The following DIAPH3 variants were observed in gnomAD, a reference collection of about 807,000 sequenced individuals.
DIAPH3 encodes protein diaphanous homolog 3.
DIAPH3 carries 117 observed loss-of-function variants against 144.3 expected under a neutral mutation model. That is an observed-to-expected ratio of 0.81 (90% CI 0.70 to 0.95). DIAPH3 has a LOEUF of 0.95. DIAPH3 is among the 40% of genes least tolerant of loss of function. The pLI is 0.00. For missense variants in DIAPH3, 1,421 were observed against 1,412.7 expected (o/e 1.01, Z -0.09); for synonymous variants, 519 against 488.9 (o/e 1.06, Z -0.81).
intron 27 of DIAPH3, among the ~76,000 whole-genome samples, chr13:59,675,252 G>A (rs989787067): frequency 5.9e-5 from 9 of 152,068 alleles, no homozygotes; most frequent in African/African-American, 1.9e-4. Flanking sequence ...TTTAAAAATC[G>A]AGACGGGGTC....
At chr13:59,835,664 A>G (rs1423764411) in intron 23 of DIAPH3, among the ~76,000 whole-genome samples, 1 of 151,866 alleles carries the variant, frequency 6.6e-6, no homozygotes, top group Non-Finnish European at 1.5e-5. Context: ...GAAGAAAGTG[A>G]GAAGACTAAT....
At chr13:59,992,854 A>G (rs2051926583) in intron 9 of DIAPH3, among the ~76,000 whole-genome samples, 1 of 151,592 alleles carries the variant, frequency 6.6e-6, no homozygotes, top group African/African-American at 2.4e-5. Flanking sequence ...TAGAAAAAAA[A>G]AAAAAAAAAC....
intron 25 of DIAPH3, among the ~76,000 whole-genome samples, chr13:59,781,798 C>T (rs900087359): frequency 2.6e-5 from 4 of 152,082 alleles, no homozygotes; most frequent in African/African-American, 9.7e-5. Flanking sequence ...ACTTGATCTC[C>T]AATGTAATGG....
At chr13:59,963,059 C>T (rs1438365603) in intron 17 of DIAPH3, among the ~76,000 whole-genome samples, 2 of 152,032 alleles carry the variant, frequency 1.3e-5, no homozygotes, top group Non-Finnish European at 2.9e-5. Context: ...TTGCAGACCC[C>T]AAGTTAAGAA....
intron 18 of DIAPH3, among the ~76,000 whole-genome samples, chr13:59,918,821 T>G: frequency 6.6e-6 from 1 of 151,758 alleles, no homozygotes; most frequent in East Asian, 1.9e-4. Context: ...CAGGGAAACA[T>G]GACATCACCA....
intron 27 of DIAPH3, among the ~76,000 whole-genome samples, chr13:59,670,034 T>G (rs578091458): frequency 2.0e-5 from 3 of 152,206 alleles, no homozygotes; most frequent in Non-Finnish European, 4.4e-5. Context: ...GTTTTTCTTT[T>G]AGCGTTTGGT....
intron 24 of DIAPH3, among the ~76,000 whole-genome samples, chr13:59,824,397 A>C (rs2041253603): frequency 6.6e-6 from 1 of 152,178 alleles, no homozygotes. Flanking sequence ...ATCTACAGAG[A>C]CCGGACTCAA....
chr13:59,706,233 T>C (rs1173056469), intron 27 of DIAPH3, among the ~76,000 whole-genome samples: 3 of 152,210 alleles, frequency 2.0e-5, no homozygotes, highest in African/African-American at 2.4e-5. Flanking sequence ...ACGTGTTTAG[T>C]ACAGAGGCAA....
At chr13:59,843,014 AC>A (rs1351206733) in intron 22 of DIAPH3, among the ~76,000 whole-genome samples, 9 of 152,190 alleles carry the variant, frequency 5.9e-5, no homozygotes, top group Admixed American at 3.3e-4. Flanking sequence ...CCCCTCTCGC[AC>A]CCATACATTG....
intron 20 of DIAPH3, among the ~76,000 whole-genome samples, chr13:59,906,043 C>A (rs2046717639): frequency 6.6e-6 from 1 of 152,020 alleles, no homozygotes. Flanking sequence ...GAGTAACTTC[C>A]AAAGATCATA....
chr13:60,076,145 G>A (rs76278406), intron 4 of DIAPH3, among the ~76,000 whole-genome samples: 1 of 152,134 alleles, frequency 6.6e-6, no homozygotes, highest in African/African-American at 2.4e-5. Context: ...AAAGCAGCTC[G>A]AATAGCCTCT....
At chr13:59,809,848 T>C (rs925119250) in intron 25 of DIAPH3, among the ~76,000 whole-genome samples, 1 of 152,180 alleles carries the variant, frequency 6.6e-6, no homozygotes, top group African/African-American at 2.4e-5. Context: ...TAGGTGAATT[T>C]GCAACCCTGA....
chr13:59,824,106 C>T (rs2041236358), intron 24 of DIAPH3, among the ~76,000 whole-genome samples: 1 of 151,964 alleles, frequency 6.6e-6, no homozygotes, highest in Non-Finnish European at 1.5e-5. Flanking sequence ...CAGAGCTATA[C>T]ATGTGAAACA....
intron 5 of DIAPH3, among the ~76,000 whole-genome samples, chr13:60,016,522 C>G (rs191163654): frequency 1.1e-3 from 167 of 152,262 alleles, no homozygotes; most frequent in African/African-American, 3.8e-3. Context: ...AAACATTTAC[C>G]AGCATACCAC....
At chr13:59,819,005 A>G (rs1391744622) in intron 24 of DIAPH3, among the ~76,000 whole-genome samples, 7 of 151,640 alleles carry the variant, frequency 4.6e-5, no homozygotes, top group Non-Finnish European at 8.9e-5. Context: ...TTGGAGGCCT[A>G]TATGTATTAC....
intron 4 of DIAPH3, among the ~76,000 whole-genome samples, chr13:60,053,693 G>T (rs2056447618): frequency 6.6e-6 from 1 of 151,994 alleles, no homozygotes. Context: ...TTCAGTGTAT[G>T]TTCACTCACT....
At chr13:59,749,505 G>A (rs2036886090) in intron 27 of DIAPH3, among the ~76,000 whole-genome samples, 2 of 124,086 alleles carry the variant, frequency 1.6e-5, no homozygotes, top group South Asian at 2.6e-4. Flanking sequence ...GGGTGACAGA[G>A]CGAGACTCCA....
chr13:59,835,050 C>T (rs147865296), intron 23 of DIAPH3, among the ~76,000 whole-genome samples: 1 of 151,762 alleles, frequency 6.6e-6, no homozygotes, highest in East Asian at 1.9e-4. Flanking sequence ...ATATATCCCA[C>T]ATTTATTTTT....
At chr13:59,729,843 GCT>G (rs2138972121) in intron 27 of DIAPH3, among the ~76,000 whole-genome samples, 1 of 102,772 alleles carries the variant, frequency 9.7e-6, no homozygotes, top group South Asian at 3.1e-4. Context: ...ATAGGGTCTT[GCT>G]CTGTTGACCA....
Sources: gnomAD v4.1 joint callset for allele counts (sites outside exome capture counted in the v4.1 genomes callset) on GRCh38, gnomAD v4.1.1 for gene constraint, MANE v1.5 for transcripts, NCBI Gene and HGNC (gene_info 2026-07-23, HGNC 2026-07-21) for gene names.